The following SHISA6 variants were observed in gnomAD, a reference collection of about 807,000 sequenced individuals.
SHISA6 encodes the protein protein shisa-6.
A neutral mutation model predicts 47.9 loss-of-function variants in SHISA6; 22 were observed. The observed-to-expected ratio is 0.46, with a 90% CI of 0.33 to 0.66. The LOEUF (loss-of-function observed/expected upper bound fraction) is 0.66. Ranked by LOEUF, SHISA6 falls within the 30% of genes least tolerant of loss-of-function variation. The probability of loss-of-function intolerance (pLI) is 0.02; values close to 1 mark genes in which losing one functional copy is unlikely to be tolerated. For missense variants in SHISA6, 680 were observed against 764.6 expected, an observed-to-expected ratio of 0.89 and a Z score of 1.30; for synonymous variants, 388 against 337.8, an observed-to-expected ratio of 1.15 and a Z score of -1.63.
chr17:11,424,115 T>C (rs2142284067), intron 3 of SHISA6, among the ~76,000 whole-genome samples: 1 of 152,234 alleles, frequency 6.6e-6, no homozygotes, highest in Middle Eastern at 3.4e-3. Context: ...AAAAAGAATA[T>C]GGAAGAAACA....
At chr17:11,554,030 T>C (rs947936080) in intron 4 of SHISA6, among the ~76,000 whole-genome samples, 1 of 151,982 alleles carries the variant, frequency 6.6e-6, no homozygotes, top group Non-Finnish European at 1.5e-5. Flanking sequence ...TGTAACACAG[T>C]GGTGGAACAA....
chr17:11,288,904 C>T (rs1417162834), intron 2 of SHISA6: 8 of 152,162 alleles, frequency 5.3e-5, no homozygotes, highest in Non-Finnish European at 1.0e-4. Context: ...GTATCAGTGT[C>T]TCACTTCTTT....
chr17:11,340,906 G>T (rs529834594), intron 2 of SHISA6, among the ~76,000 whole-genome samples: 1 of 152,354 alleles, frequency 6.6e-6, no homozygotes, highest in East Asian at 1.9e-4. Flanking sequence ...GATACAGATT[G>T]GATCTGGGAG....
chr17:11,409,200 C>T (rs1212655191), intron 3 of SHISA6, among the ~76,000 whole-genome samples: 1 of 152,172 alleles, frequency 6.6e-6, no homozygotes, highest in Non-Finnish European at 1.5e-5. Context: ...AGTACAATTT[C>T]TAAAAGACAC....
intron 2 of SHISA6, among the ~76,000 whole-genome samples, chr17:11,335,698 C>G (rs1027837098): frequency 7.9e-5 from 12 of 152,126 alleles, no homozygotes; most frequent in Non-Finnish European, 1.8e-4. Context: ...TTATCAGGAG[C>G]CCGAGGTTCC....
Position 11,542,334 on chromosome 17 carries a change from G to GAAA in SHISA6, c.896-9550_896-9548dup, listed in dbSNP as rs5819321. Reference sequence around the variant, plus strand: ...GGAAGACCTTTTCACAGTGCTACAAGAAAAAAAAAAAAAAGCCTGTCAACC... The same window carrying GAAA: ...GGAAGACCTTTTCACAGTGCTACAAGAAAAAAAAAAAAAAAAAGCCTGTCAACC... On this transcript the variant is annotated intron_variant, in intron 3 of 5. Coordinates refer to ENST00000441885, the MANE Select transcript of SHISA6 (RefSeq NM_207386.4). 7.3e-5 allele frequency among the ~76,000 whole-genome samples: 9 copies of GAAA among 122,798 alleles called. 1 individual carries two copies. The highest frequency in any genetic ancestry group is 1.5e-4 in the Admixed American group (2 of 12,942). 80.6% of individuals were successfully genotyped at this position (122,798 alleles called of 152,430 possible).
At position 11,293,026 on chromosome 17, in the gene SHISA6, T is replaced by C. The variant is rs1415222268; in HGVS notation, c.799+29500T>C. On this transcript the variant is annotated intron_variant, in intron 2 of 5. Coordinates refer to ENST00000441885, the MANE Select transcript of SHISA6 (RefSeq NM_207386.4). The stretch of plus-strand genomic sequence containing the variant: ...TTTTAGTAGAGACGGGGTTTCTCCA[T>C]GTTCATCAGGCTGGTGTTGAACTCC... Among the ~76,000 whole-genome samples the C allele has an allele frequency of 2.0e-5, 3 of 152,168 alleles. No homozygotes were observed. In the East Asian group the frequency reaches 5.8e-4, roughly 29 times the overall value.
In SHISA6 at chr17:11,261,718, C is replaced by T. The variant is rs181586600; in HGVS notation, c.639-1648C>T. Among the ~76,000 whole-genome samples the T allele has an allele frequency of 1.1e-4, 17 of 152,270 alleles. 1 individual carries two copies. The highest frequency in any genetic ancestry group is 4.1e-4 in the African/African-American group (17 of 41,540). On this transcript the variant is annotated intron_variant, in intron 1 of 5. Transcript: ENST00000441885. ...GTTTTTCCTTTCAGCAGTTGATGGA[C>T]TTTTGGGTTGTATCTACCCTTTGGC...
chr17:11,347,103 C>T (rs968964394), intron 2 of SHISA6, among the ~76,000 whole-genome samples: 35 of 149,926 alleles, frequency 2.3e-4, no homozygotes, highest in African/African-American at 8.1e-4. Context: ...CTTCCATGCA[C>T]AAATGTTCAC....
chr17:11,284,569 C>T (rs1909230746), intron 2 of SHISA6, among the ~76,000 whole-genome samples: 1 of 152,174 alleles, frequency 6.6e-6, no homozygotes, highest in South Asian at 2.1e-4. Context: ...TTCACAGTGT[C>T]TGCCCCATGT....
At chr17:11,546,248 G>A (rs1055379108) in intron 3 of SHISA6, among the ~76,000 whole-genome samples, 3 of 152,068 alleles carry the variant, frequency 2.0e-5, no homozygotes, top group African/African-American at 7.2e-5. Flanking sequence ...TCTGGAGTAG[G>A]GACTTGAATT....
At chr17:11,442,992 A>G (rs905840415) in intron 3 of SHISA6, among the ~76,000 whole-genome samples, 1 of 152,210 alleles carries the variant, frequency 6.6e-6, no homozygotes, top group Non-Finnish European at 1.5e-5. Flanking sequence ...TCTTAGCAGA[A>G]AAAGGAAGCC....
At chr17:11,367,494 G>A (rs1912493714) in intron 2 of SHISA6, among the ~76,000 whole-genome samples, 1 of 152,140 alleles carries the variant, frequency 6.6e-6, no homozygotes, top group African/African-American at 2.4e-5. Flanking sequence ...AAACATTTGG[G>A]AATTGGAAGA....
intron 2 of SHISA6, chr17:11,290,390 G>A (rs1597442293): frequency 1.7e-5 from 2 of 118,838 alleles, no homozygotes; most frequent in Admixed American, 2.1e-4. Flanking sequence ...TCACTCTGTT[G>A]CCCAGGCTGG....
At chr17:11,403,183 CT>C (rs530417398) in intron 3 of SHISA6, among the ~76,000 whole-genome samples, 1 of 152,160 alleles carries the variant, frequency 6.6e-6, no homozygotes, top group Non-Finnish European at 1.5e-5. Flanking sequence ...AGTGAGAATC[CT>C]TTCCAATAAA....
At chr17:11,278,973 G>A (rs1390762043) in intron 2 of SHISA6, among the ~76,000 whole-genome samples, 2 of 152,178 alleles carry the variant, frequency 1.3e-5, no homozygotes, top group East Asian at 1.9e-4. Context: ...GCACTTCGGG[G>A]CCATTTAAGA....
chr17:11,363,033 C>G (rs1339039621), intron 2 of SHISA6, among the ~76,000 whole-genome samples: 1 of 152,214 alleles, frequency 6.6e-6, no homozygotes, highest in Non-Finnish European at 1.5e-5. Flanking sequence ...GTCCAGTCCA[C>G]TTTCTGGTGC....
At chr17:11,292,519 C>G (rs1489299369) in intron 2 of SHISA6, among the ~76,000 whole-genome samples, 1 of 152,004 alleles carries the variant, frequency 6.6e-6, no homozygotes, top group Admixed American at 6.6e-5. Flanking sequence ...TCACAGCAGC[C>G]TCTGTCAGGA....
chr17:11,448,877 G>A (rs2969243), intron 3 of SHISA6, among the ~76,000 whole-genome samples: 51,719 of 151,974 alleles, frequency 0.34, 9,422 homozygotes, highest in Non-Finnish European at 0.42. Context: ...GTTTCCAAAC[G>A]TCCCACTTTC....
Sources: allele counts gnomAD v4.1 joint callset (sites outside exome capture counted in the v4.1 genomes callset), GRCh38; gene constraint gnomAD v4.1.1; transcripts MANE v1.5; gene names NCBI Gene and HGNC (gene_info 2026-07-23, HGNC 2026-07-21).